Variants in CNTN6 observed in about 807,000 individuals in gnomAD.
The protein encoded by CNTN6 is contactin 6.
Under a neutral mutation model 122.8 loss-of-function variants are expected in CNTN6, and 137 were observed. The ratio of observed to expected loss-of-function variants is 1.12; its 90% CI spans 0.97 to 1.29. The LOEUF (loss-of-function observed/expected upper bound fraction) is 1.29. Ranked by LOEUF, CNTN6 falls within the 50% of genes most tolerant of loss-of-function variation. The pLI, the probability that CNTN6 is intolerant of heterozygous loss-of-function variation, is 0.00. For synonymous variants in CNTN6, 570 were observed against 426.0 expected, an observed-to-expected ratio of 1.34 and a Z score of -4.16; for missense variants, 1,634 against 1,223.4, an observed-to-expected ratio of 1.34 and a Z score of -5.01.
intron 8 of CNTN6, among the ~76,000 whole-genome samples, chr3:1,323,281 G>C (rs145871834): frequency 4.6e-5 from 7 of 151,866 alleles, no homozygotes; most frequent in African/African-American, 1.7e-4. Flanking sequence ...GGATCTCACA[G>C]ATAGTGATTG....
rs774278447 is a variant in CNTN6 at position 1,321,656 on chromosome 3, C to T, written c.768C>T (p.Val256=). Residue 256 remains valine, a synonymous_variant, in exon 8 of 23, where the codon GTC becomes GTT. Coordinates refer to ENST00000446702, the MANE Select transcript of CNTN6 (RefSeq NM_001289080.2). ...KLECFALGNP[V]PDISWRRLDG... is the part of the protein sequence containing the mutation. ...ATGAGGTGTAACTGTTTAGTCCAGTCCCCGATATTAGTTGGAGAAGGTTGG... is the reference window on the plus strand; with the variant it reads ...ATGAGGTGTAACTGTTTAGTCCAGTTCCCGATATTAGTTGGAGAAGGTTGG... 6.2e-7 allele frequency: 1 copy of T among 1,610,500 alleles called. No homozygotes were observed. The highest frequency in any genetic ancestry group is 8.5e-7 in the Non-Finnish European group (1 of 1,177,930).
At chr3:1,339,854 T>A (rs1051484589) in intron 11 of CNTN6, among the ~76,000 whole-genome samples, 2 of 152,154 alleles carry the variant, frequency 1.3e-5, no homozygotes, top group Non-Finnish European at 2.9e-5. Flanking sequence ...ATATACCTAA[T>A]AACATATATT....
intron 2 of CNTN6, among the ~76,000 whole-genome samples, chr3:1,202,519 C>T (rs756505300): frequency 1.0e-4 from 15 of 149,428 alleles, no homozygotes; most frequent in South Asian, 4.2e-4. Flanking sequence ...CCAGCCTGGG[C>T]GACAGAGCCA....
At chr3:1,387,754 C>T (rs539826445) in intron 20 of CNTN6, among the ~76,000 whole-genome samples, 24 of 149,880 alleles carry the variant, frequency 1.6e-4, no homozygotes, top group Middle Eastern at 3.5e-3. Flanking sequence ...ACTTGGGAAG[C>T]GCAAGGGGTC....
At chr3:1,268,585 C>T (rs113126875) in intron 4 of CNTN6, among the ~76,000 whole-genome samples, 36,076 of 129,296 alleles carry the variant, frequency 0.28, 5,568 homozygotes, top group East Asian at 0.49. Context: ...CCAGCCTGGG[C>T]GACAGAGCGA....
intron 4 of CNTN6, among the ~76,000 whole-genome samples, chr3:1,249,094 C>T (rs565357964): frequency 1.8e-4 from 27 of 152,192 alleles, no homozygotes; most frequent in East Asian, 1.2e-3. Context: ...AGATATCAGA[C>T]GGTGGGTAGC....
rs534742254 is a variant in CNTN6, at chr3:1,233,088, G to A, written c.358+5095G>A. 5.9e-5 allele frequency among the ~76,000 whole-genome samples: 9 copies of A among 152,194 alleles called. 1 individual carries two copies. In the South Asian group the frequency reaches 8.3e-4, roughly 14 times the overall value. ...CACTTATAAGTAGTCCTTTATATCC[G>A]GGCCTAATCTGCAAACAATAGGATA... On this transcript the variant is annotated intron_variant, in intron 4 of 22. Transcript: ENST00000446702.
At chr3:1,365,758 G>A (rs183750649) in intron 12 of CNTN6, among the ~76,000 whole-genome samples, 3 of 152,106 alleles carry the variant, frequency 2.0e-5, no homozygotes, top group African/African-American at 7.2e-5. Flanking sequence ...AATTCTCAGA[G>A]CTTTTAATAT....
At chr3:1,166,405 A>G (rs761301662) in intron 2 of CNTN6, among the ~76,000 whole-genome samples, 13 of 152,174 alleles carry the variant, frequency 8.5e-5, no homozygotes, top group African/African-American at 1.2e-4. Context: ...ACACAAGGCA[A>G]TTTCTAGGCT....
chr3:1,162,124 A>T (rs2093148777), intron 2 of CNTN6, among the ~76,000 whole-genome samples: 2 of 152,218 alleles, frequency 1.3e-5, no homozygotes, highest in African/African-American at 4.8e-5. Context: ...TCACTTTGCC[A>T]GAAGCTCACA....
At chr3:1,248,629 G>A (rs1290967305) in intron 4 of CNTN6, among the ~76,000 whole-genome samples, 2 of 152,118 alleles carry the variant, frequency 1.3e-5, no homozygotes, top group African/African-American at 2.4e-5. Flanking sequence ...AGACTAGGTT[G>A]GCCAACATGG....
At chr3:1,221,173 G>A (rs2094202951) in intron 3 of CNTN6, among the ~76,000 whole-genome samples, 1 of 151,558 alleles carries the variant, frequency 6.6e-6, no homozygotes, top group African/African-American at 2.4e-5. Flanking sequence ...AGAGAGATAG[G>A]GGAGAGAGAG....
chr3:1,246,520 G>T (rs1399420776), intron 4 of CNTN6, among the ~76,000 whole-genome samples: 21 of 152,108 alleles, frequency 1.4e-4, no homozygotes, highest in Admixed American at 1.4e-3. Context: ...TGGGAGATCT[G>T]TGTAAATATT....
intron 12 of CNTN6, among the ~76,000 whole-genome samples, chr3:1,364,070 TATTTA>T (rs1707861568): frequency 6.6e-6 from 1 of 151,934 alleles, no homozygotes; most frequent in Admixed American, 6.6e-5. Flanking sequence ...GAAAACTGTC[TATTTA>T]ATTCAGTTTC....
chr3:1,392,842 C>G (rs1328146768), intron 20 of CNTN6, among the ~76,000 whole-genome samples: 2 of 134,734 alleles, frequency 1.5e-5, no homozygotes, highest in Non-Finnish European at 3.3e-5. Flanking sequence ...AAATGCAAAT[C>G]AAAACCACAA....
chr3:1,280,908 A>G (rs9815336), intron 5 of CNTN6, among the ~76,000 whole-genome samples: 3,925 of 152,226 alleles, frequency 0.026, 177 homozygotes, highest in African/African-American at 0.089. Context: ...AGGCTGCTGA[A>G]TTTCTTGCCA....
Position 1,102,591 on chromosome 3 carries a change from T to C in CNTN6, c.-83+9471T>C, listed in dbSNP as rs578187675. 1.0e-3 allele frequency among the ~76,000 whole-genome samples: 148 copies of C among 144,296 alleles called. 4 individuals carry two copies. The highest frequency in any genetic ancestry group is 4.0e-3 in the East Asian group (20 of 4,954). 94.7% of individuals were successfully genotyped at this position (144,296 alleles called of 152,430 possible). ...TAAAAATACAAAAATGAGCCGGGCG[T>C]GGTGGCGGCGCCTGTAGTCCCAGCT... On this transcript the variant is annotated intron_variant, in intron 1 of 22. Transcript: ENST00000446702.
At chr3:1,104,871 C>T (rs2091143330) in intron 1 of CNTN6, among the ~76,000 whole-genome samples, 2 of 152,084 alleles carry the variant, frequency 1.3e-5, no homozygotes, top group African/African-American at 4.8e-5. Flanking sequence ...AAATATTCTC[C>T]TAATGCTGAA....
At chr3:1,218,128 C>G (rs549744467) in intron 2 of CNTN6, among the ~76,000 whole-genome samples, 1 of 152,126 alleles carries the variant, frequency 6.6e-6, no homozygotes, top group Admixed American at 6.5e-5. Context: ...GGGGTTAGGA[C>G]AGTGGTGACT....
Sources: allele counts gnomAD v4.1 joint callset (sites outside exome capture counted in the v4.1 genomes callset), GRCh38; gene constraint gnomAD v4.1.1; transcripts MANE v1.5; gene names NCBI Gene and HGNC (gene_info 2026-07-23, HGNC 2026-07-21).